CDH23: variants seen among roughly 807,000 people sequenced by gnomAD.
CDH23 encodes the protein cadherin-23.
Under a neutral mutation model 317.1 loss-of-function variants are expected in CDH23, and 189 were observed. The observed-to-expected ratio is 0.60, with a 90% CI of 0.53 to 0.67. The LOEUF is 0.67. Among genes scored for constraint, CDH23 ranks in the 30% least tolerant of loss-of-function variants. The pLI, the probability that CDH23 is intolerant of heterozygous loss-of-function variation, is 0.00. For missense variants in CDH23, 4,401 were observed against 4,592.4 expected (o/e 0.96, Z 1.20); for synonymous variants, 1,839 against 1,876.8 (o/e 0.98, Z 0.52).
At chr10:71,427,217 G>GAAAGAAAGAAAGAAAGA (rs1554823339) in intron 1 of CDH23, among the ~76,000 whole-genome samples, 6 of 72,328 alleles carry the variant, frequency 8.3e-5, no homozygotes, top group Non-Finnish European at 1.8e-4. Flanking sequence ...AAGAAAGAAA[G>GAAAGAAAGAAAGAAAGA]AAAGAAAGAA....
In CDH23 at chr10:71,617,473, A is replaced by T. The variant is rs1295956639; in HGVS notation, c.1134+80A>T. ...CCCTGCCTGGGCTGTTCAGGTCCTC[A>T]GCTATAAAATAGAAACAAACATTGC... On this transcript the variant is annotated intron_variant, in intron 11 of 69. Coordinates refer to ENST00000224721, the MANE Select transcript of CDH23 (RefSeq NM_022124.6). 6 of 1,549,412 alleles carry T rather than the reference A, an allele frequency of 3.9e-6. No homozygotes were observed. In the East Asian group the frequency reaches 1.4e-4, roughly 37 times the overall value.
chr10:71,677,332 T>C (rs1233130017), intron 15 of CDH23, 124 bp from the exon 16 acceptor site: 4 of 611,852 alleles, frequency 6.5e-6, no homozygotes, highest in Non-Finnish European at 8.4e-6. Flanking sequence ...GGAAGGCAGA[T>C]TTCAGACTTC....
Position 71,773,367 on chromosome 10 carries a change from C to T in CDH23, c.4846-4313C>T, listed in dbSNP as rs146887444. On this transcript the variant is annotated intron_variant, in intron 38 of 69. Coordinates refer to ENST00000224721, the MANE Select transcript of CDH23 (RefSeq NM_022124.6). Reference sequence around the variant, plus strand: ...CCTCCCCCGACCTTACCTAGGGACGCAGCCAGGAAGAGAGCGAAGAGCAGG... The same window carrying T: ...CCTCCCCCGACCTTACCTAGGGACGTAGCCAGGAAGAGAGCGAAGAGCAGG... The T allele has an allele frequency of 4.5e-4, 721 of 1,608,502 alleles. 4 individuals carry two copies. The Middle Eastern group carries it at 5.3e-3, about 12-fold the overall frequency.
At chr10:71,418,830 G>A (rs1009369635) in intron 1 of CDH23, among the ~76,000 whole-genome samples, 1 of 152,170 alleles carries the variant, frequency 6.6e-6, no homozygotes, top group Non-Finnish European at 1.5e-5. Context: ...CTGTTTACTA[G>A]CTGAGTAACC....
intron 62 of CDH23, 89 bp downstream of exon 62, chr10:71,810,658 C>A: frequency 1.7e-6 from 2 of 1,160,772 alleles, no homozygotes; most frequent in Non-Finnish European, 1.3e-6. Flanking sequence ...CCAAAGGAGA[C>A]ACAGACCACA....
intron 38 of CDH23, chr10:71,761,752 C>T (rs778702678): frequency 1.2e-6 from 2 of 1,614,158 alleles, no homozygotes; most frequent in Non-Finnish European, 1.7e-6. Flanking sequence ...AGGCCGACTC[C>T]AGCCCGTGGC....
At chr10:71,602,770 A>G (rs1188980129) in intron 9 of CDH23, among the ~76,000 whole-genome samples, 1 of 152,176 alleles carries the variant, frequency 6.6e-6, no homozygotes, top group Non-Finnish European at 1.5e-5. Context: ...ACATGGGTTC[A>G]GCACTTTACA....
In CDH23 at chr10:71,800,757, T is replaced by C. The variant is rs2132971828; in HGVS notation, c.7482+2T>C. The stretch of plus-strand genomic sequence containing the variant: ...AACCGTCGCGAAAATTCAGTGCAGG[T>C]GAGGGGTGCCAACCTGGGCCAGGGA... On this transcript the variant is annotated splice_donor_variant, in intron 53 of 69. Transcript: ENST00000224721. LOFTEE classifies it high-confidence loss of function. 4 of 1,613,386 alleles carry C rather than the reference T, an allele frequency of 2.5e-6. No individual in the cohort carries two copies. Among genetic ancestry groups the C allele is most frequent in the Non-Finnish European group, 3.4e-6 (4 of 1,179,716 alleles).
At chr10:71,673,788 G>A (rs531003688) in intron 14 of CDH23, among the ~76,000 whole-genome samples, 10 of 152,340 alleles carry the variant, frequency 6.6e-5, no homozygotes, top group African/African-American at 2.2e-4. Context: ...GAGGGTGAAG[G>A]GGTTGTAGGT....
intron 1 of CDH23, among the ~76,000 whole-genome samples, chr10:71,427,025 C>G (rs1273387514): frequency 6.6e-6 from 1 of 151,488 alleles, no homozygotes; most frequent in African/African-American, 2.4e-5. Context: ...GTGGCACGCT[C>G]CTGTAGTCCC....
chr10:71,598,666 G>C (rs769326938), intron 9 of CDH23, among the ~76,000 whole-genome samples: 9 of 152,336 alleles, frequency 5.9e-5, no homozygotes, highest in African/African-American at 2.2e-4. Context: ...CCCAAAAGTC[G>C]CTCCTGTGAC....
intron 3 of CDH23, among the ~76,000 whole-genome samples, chr10:71,476,638 T>C (rs1851809286): frequency 6.6e-6 from 1 of 152,140 alleles, no homozygotes; most frequent in African/African-American, 2.4e-5. Context: ...AACTTCCTAT[T>C]TGTACTTTTG....
chr10:71,400,887 G>A (rs1477718281), intron 1 of CDH23, among the ~76,000 whole-genome samples: 1 of 152,202 alleles, frequency 6.6e-6, no homozygotes, highest in Non-Finnish European at 1.5e-5. Context: ...AGGTCTTAAT[G>A]TGTAAAGATG....
intron 26 of CDH23, among the ~76,000 whole-genome samples, chr10:71,708,402 A>C (rs1865864216): frequency 6.6e-6 from 1 of 152,144 alleles, no homozygotes; most frequent in Non-Finnish European, 1.5e-5. Context: ...GCTGCCCAGA[A>C]CACCACACTG....
intron 1 of CDH23, among the ~76,000 whole-genome samples, chr10:71,403,416 C>T (rs1218188628): frequency 5.7e-5 from 3 of 52,704 alleles, no homozygotes; most frequent in Non-Finnish European, 9.3e-5. Flanking sequence ...TCTCTTCCTT[C>T]CTTCCTTCCT....
In CDH23 at chr10:71,760,026, TACAC is replaced by T. The variant is rs754921916; in HGVS notation, c.4846-17644_4846-17641del. Among the ~76,000 whole-genome samples the T allele has an allele frequency of 6.0e-5, 4 of 66,798 alleles. 2 individuals are homozygous for T. Among genetic ancestry groups the T allele is most frequent in the Admixed American group, 3.3e-4 (2 of 6,126 alleles). 43.8% of individuals were successfully genotyped at this position (66,798 alleles called of 152,430 possible). ...ACATATATATACACACACACATATA[TACAC>T]ACACACACATATATACACACACACA... On this transcript the variant is annotated intron_variant, in intron 38 of 69. Coordinates refer to ENST00000224721, the MANE Select transcript of CDH23 (RefSeq NM_022124.6).
chr10:71,726,446 C>G (rs1866815590), intron 30 of CDH23, among the ~76,000 whole-genome samples: 1 of 152,206 alleles, frequency 6.6e-6, no homozygotes, highest in Non-Finnish European at 1.5e-5. Flanking sequence ...AGGGGCTGTG[C>G]TGGGGTGGGT....
chr10:71,480,149 C>A (rs1013686344), intron 3 of CDH23, among the ~76,000 whole-genome samples: 11 of 152,192 alleles, frequency 7.2e-5, no homozygotes, highest in African/African-American at 2.7e-4. Flanking sequence ...CTCCTGTGGC[C>A]CATTGGCCAG....
intron 1 of CDH23, among the ~76,000 whole-genome samples, chr10:71,410,751 C>T (rs1443230607): frequency 6.6e-6 from 1 of 152,108 alleles, no homozygotes; most frequent in African/African-American, 2.4e-5. Context: ...AGTGGGTTCT[C>T]TTTGTGATGT....
Sources: allele counts gnomAD v4.1 joint callset (sites outside exome capture counted in the v4.1 genomes callset), GRCh38; gene constraint gnomAD v4.1.1; transcripts MANE v1.5; gene names NCBI Gene and HGNC (gene_info 2026-07-23, HGNC 2026-07-21).